The following TPP2 variants were observed in gnomAD, a reference collection of about 807,000 sequenced individuals.
TPP2 encodes tripeptidyl peptidase 2.
In TPP2, 34 loss-of-function variants were observed where a neutral mutation model predicts 155.9. The ratio of observed to expected loss-of-function variants is 0.22; its 90% CI spans 0.17 to 0.29. The LOEUF (loss-of-function observed/expected upper bound fraction) is 0.29. Among genes scored for constraint, TPP2 ranks in the 10% least tolerant of loss-of-function variants. The pLI is 1.00. For missense variants in TPP2, 1,028 were observed against 1,522.3 expected, an observed-to-expected ratio of 0.68 and a Z score of 5.40; for synonymous variants, 510 against 529.4, an observed-to-expected ratio of 0.96 and a Z score of 0.50.
At chr13:102,615,062 G>C (rs1194142076) in intron 3 of TPP2, among the ~76,000 whole-genome samples, 1 of 152,110 alleles carries the variant, frequency 6.6e-6, no homozygotes, top group East Asian at 1.9e-4. Context: ...GATGTGTGGG[G>C]CCTTGCCTCT....
Position 102,674,600 on chromosome 13 carries a change from G to A in TPP2, c.3579+110G>A, listed in dbSNP as rs674929. 489,624 of 1,041,972 alleles carry A rather than the reference G, an allele frequency of 0.47. 117,052 individuals carry two copies. The highest frequency in any genetic ancestry group is 0.6 in the African/African-American group (37,126 of 61,996). The allele number at this position is 1,041,972 out of a possible 1,614,324, so 64.5% of individuals were successfully genotyped here. On this transcript the variant is annotated intron_variant, in intron 28 of 29. Transcript: ENST00000376052. ...AAGAAGATAAATGGAAAGAATCTAC[G>A]CTGGGCTCTGAATATGACATGTTTA...
intron 27 of TPP2, among the ~76,000 whole-genome samples, chr13:102,668,958 C>T (rs1484680198): frequency 2.6e-5 from 4 of 152,082 alleles, no homozygotes; most frequent in South Asian, 2.1e-4. Context: ...TTTCTGGTAC[C>T]GGGTTGGGTC....
intron 10 of TPP2, among the ~76,000 whole-genome samples, chr13:102,630,486 T>G (rs1881947510): frequency 6.6e-6 from 1 of 152,202 alleles, no homozygotes; most frequent in African/African-American, 2.4e-5. Context: ...TTGGATATCT[T>G]TATATAGTAG....
chr13:102,605,834 C>G (rs1879786055), intron 2 of TPP2, among the ~76,000 whole-genome samples: 1 of 151,962 alleles, frequency 6.6e-6, no homozygotes. Context: ...AGCAATTCTC[C>G]TGCCTCAGCC....
intron 2 of TPP2, among the ~76,000 whole-genome samples, chr13:102,610,553 T>C (rs569076701): frequency 6.6e-6 from 1 of 152,310 alleles, no homozygotes; most frequent in East Asian, 1.9e-4. Flanking sequence ...ATGAATTAAA[T>C]GTTTATAGTC....
chr13:102,664,714 T>C lies in TPP2; in HGVS notation c.3241-81T>C, dbSNP rs937043480. 8 of 1,396,078 alleles carry C rather than the reference T, an allele frequency of 5.7e-6. No individual in the cohort carries two copies. In the Admixed American group the frequency reaches 1.3e-4, roughly 23 times the overall value. The allele number at this position is 1,396,078 out of a possible 1,614,324, so 86.5% of individuals were successfully genotyped here. Reference sequence around the variant, plus strand: ...ACTCACACTGCAGTTGTAGGTCTCATGGTTGAGACAGCAGAAGTGAAATTG... The same window carrying C: ...ACTCACACTGCAGTTGTAGGTCTCACGGTTGAGACAGCAGAAGTGAAATTG... On this transcript the variant is annotated intron_variant, in intron 26 of 29. Transcript: ENST00000376052.
chr13:102,664,626 A>G (rs1352675093), intron 26 of TPP2, among the ~76,000 whole-genome samples, 169 bp from the exon 27 acceptor site: 1 of 152,220 alleles, frequency 6.6e-6, no homozygotes. Flanking sequence ...GATACCAGCA[A>G]TTAGAAAAAT....
intron 2 of TPP2, among the ~76,000 whole-genome samples, chr13:102,609,120 A>G (rs1566319432): frequency 6.6e-6 from 1 of 152,180 alleles, no homozygotes; most frequent in Non-Finnish European, 1.5e-5. Context: ...CACACCATGC[A>G]AGGGGCCTGG....
At chr13:102,606,797 G>A (rs188292887) in intron 2 of TPP2, among the ~76,000 whole-genome samples, 32 of 152,282 alleles carry the variant, frequency 2.1e-4, no homozygotes, top group South Asian at 1.5e-3. Flanking sequence ...CCTGTCATGG[G>A]CAGATAGCAG....
intron 2 of TPP2, among the ~76,000 whole-genome samples, chr13:102,612,778 T>C (rs1480921323): frequency 6.6e-6 from 1 of 152,210 alleles, no homozygotes; most frequent in East Asian, 1.9e-4. Context: ...GTCTATTGGA[T>C]TGTTTTTATT....
In TPP2 at chr13:102,664,915, A is replaced by T. The variant is rs758472813; in HGVS notation, c.3361A>T (p.Thr1121Ser). ...MKTDPRPDAA[T>S]IKNDMDKQKS... ...GACTGATCCCAGGCCTGATGCAGCT[A>T]CTATAAAAAAGTACCTAACCAGTAA... is the stretch of plus-strand genomic sequence containing the variant. Residue 1121 changes from threonine (T) to serine (S), a missense_variant, in exon 27 of 30, where the codon ACT becomes TCT. Transcript: ENST00000376052. The T allele has an allele frequency of 1.2e-6, 2 of 1,611,896 alleles. No individual in the cohort carries two copies. The highest frequency in any genetic ancestry group is 1.7e-5 in the Admixed American group (1 of 59,570).
intron 26 of TPP2, among the ~76,000 whole-genome samples, chr13:102,664,308 A>C (rs1884443868): frequency 1.3e-5 from 2 of 152,212 alleles, no homozygotes; most frequent in South Asian, 4.1e-4. Flanking sequence ...CATGGTAATC[A>C]CAGTTAGACT....
Position 102,636,253 on chromosome 13 carries a change from G to A in TPP2, c.1539G>A (p.Gln513=), listed in dbSNP as rs747531259. The change falls in exon 13 of 30, where the codon CAG becomes CAA. Residue 513 remains glutamine, a synonymous_variant. Coordinates refer to ENST00000376052, the MANE Select transcript of TPP2 (RefSeq NM_001330588.2). ...QVDKAYDYLV[Q]NTSFANKLGF... is the part of the protein sequence containing the mutation. ...ATAAAGCCTATGACTACCTCGTTCA[G>A]AATACATCATTTGCTAATAAATTAG... The A allele has an allele frequency of 1.8e-5, 29 of 1,613,250 alleles. No individual in the cohort carries two copies. The highest frequency in any genetic ancestry group is 2.5e-5 in the Non-Finnish European group (29 of 1,179,752).
intron 25 of TPP2, among the ~76,000 whole-genome samples, chr13:102,660,974 A>G (rs902210360): frequency 2.8e-4 from 43 of 152,194 alleles, no homozygotes; most frequent in African/African-American, 9.9e-4. Context: ...GCCTCACATC[A>G]TATATACAAG....
intron 2 of TPP2, among the ~76,000 whole-genome samples, chr13:102,611,225 G>A (rs1250159978): frequency 6.6e-6 from 1 of 152,208 alleles, no homozygotes; most frequent in Non-Finnish European, 1.5e-5. Flanking sequence ...TGTATCCTGT[G>A]CACATGTGTG....
chr13:102,620,699 C>CG (rs1881091952), intron 5 of TPP2, among the ~76,000 whole-genome samples: 2 of 152,206 alleles, frequency 1.3e-5, no homozygotes, highest in Admixed American at 1.3e-4. Flanking sequence ...CTGCACTTAA[C>CG]GGGTGGCCTC....
rs996674484 is a variant in TPP2 at position 102,671,758 on chromosome 13, C to T, written c.3372-2525C>T. 4.6e-5 allele frequency among the ~76,000 whole-genome samples: 7 copies of T among 152,068 alleles called. No individual in the cohort carries two copies. The East Asian group carries it at 7.7e-4, about 17-fold the overall frequency. On this transcript the variant is annotated intron_variant, in intron 27 of 29. Transcript: ENST00000376052. ...GAGGACGGGGCTCAGGCAAAACCTC[C>T]GTTTCCTCTTTGTTATCTTTGCCCG... is the stretch of plus-strand genomic sequence containing the variant.
chr13:102,664,294 A>C (rs1210121239), intron 26 of TPP2, among the ~76,000 whole-genome samples: 10 of 152,194 alleles, frequency 6.6e-5, no homozygotes. Context: ...ATTGTTGGGA[A>C]CATCATGGTA....
chr13:102,676,156 A>T (rs1169608149), intron 28 of TPP2, 140 bp from the exon 29 acceptor site: 5 of 766,236 alleles, frequency 6.5e-6, no homozygotes, highest in Non-Finnish European at 9.4e-6. Context: ...TTCTTTTTCA[A>T]AGTTTTTAAA....
Sources: gnomAD v4.1 joint callset for allele counts (sites outside exome capture counted in the v4.1 genomes callset) on GRCh38, gnomAD v4.1.1 for gene constraint, MANE v1.5 for transcripts, NCBI Gene and HGNC (gene_info 2026-07-23, HGNC 2026-07-21) for gene names.